The following RSPO4 variants were observed in gnomAD, a reference collection of about 807,000 sequenced individuals.
RSPO4 encodes the protein R-spondin 4.
Under a neutral mutation model 24.8 loss-of-function variants are expected in RSPO4, and 23 were observed. The ratio of observed to expected loss-of-function variants is 0.93; its 90% confidence interval spans 0.67 to 1.31. The LOEUF (loss-of-function observed/expected upper bound fraction) is 1.31, where lower values mean the gene tolerates loss of function less well. RSPO4 is among the 40% of genes most tolerant of loss of function. The pLI, the probability that RSPO4 is intolerant of heterozygous loss-of-function variation, is 0.00. For missense variants in RSPO4, 333 were observed against 316.5 expected, an observed-to-expected ratio of 1.05 and a Z score of -0.39; for synonymous variants, 141 against 127.4, an observed-to-expected ratio of 1.11 and a Z score of -0.72.
intron 1 of RSPO4, among the ~76,000 whole-genome samples, chr20:972,796 T>G (rs1481334324): frequency 6.6e-6 from 1 of 152,234 alleles, no homozygotes; most frequent in Admixed American, 6.5e-5. Flanking sequence ...TGCCCTGCGC[T>G]GTGCCTTGGC....
intron 1 of RSPO4, among the ~76,000 whole-genome samples, chr20:979,241 T>C (rs912962530): frequency 6.6e-6 from 1 of 152,116 alleles, no homozygotes; most frequent in Non-Finnish European, 1.5e-5. Context: ...TCCTCCATGT[T>C]CCCCATCTGC....
rs375754176 is a variant in RSPO4 at position 999,146 on chromosome 20, C to T, written c.79+2940G>A. ...CTGGGACTACAGGTGTGCACCACCA[C>T]CAACATGCCTGGCTATTTTTTGTAT... On this transcript the variant is annotated intron_variant, in intron 1 of 4. Transcript: ENST00000217260. Among the ~76,000 whole-genome samples, 4 of 152,198 alleles carry T rather than the reference C, an allele frequency of 2.6e-5. No homozygotes were observed. In the South Asian group the frequency reaches 8.3e-4, roughly 32 times the overall value.
At chr20:997,294 C>A (rs1416544722) in intron 1 of RSPO4, among the ~76,000 whole-genome samples, 1 of 152,056 alleles carries the variant, frequency 6.6e-6, no homozygotes, top group Non-Finnish European at 1.5e-5. Flanking sequence ...GGAGGTGGGG[C>A]CCCCCGTGGT....
chr20:997,713 G>A (rs2122279730), intron 1 of RSPO4, among the ~76,000 whole-genome samples: 1 of 152,292 alleles, frequency 6.6e-6, no homozygotes, highest in South Asian at 2.1e-4. Flanking sequence ...TGTCTGCCTG[G>A]CCCTCCACAA....
In RSPO4 at chr20:968,047, G is replaced by A. The variant is rs773361802; in HGVS notation, c.171C>T (p.Phe57=). 1.7e-5 allele frequency: 28 copies of A among 1,614,096 alleles called. No individual in the cohort carries two copies. In the South Asian group the frequency reaches 3.1e-4, roughly 18 times the overall value. The stretch of plus-strand genomic sequence containing the variant: ...ACTGGCGGATGCCTTCCCGGCGGAT[G>A]AACAGGAAGAGCCTCTGCTGGCAGG... ...CSTCQQRLFL[F]IRREGIRQYG... is the part of the protein sequence containing the mutation. The change falls in exon 2 of 5, where the codon TTC becomes TTT. Residue 57 remains phenylalanine (F), a synonymous_variant. Transcript: ENST00000217260.
chr20:958,960 T>G lies in RSPO4; in HGVS notation c.*1397A>C, dbSNP rs1302201243. The G allele has an allele frequency of 1.3e-5, 2 of 152,342 alleles. No individual in the cohort carries two copies. Among genetic ancestry groups the G allele is most frequent in the Non-Finnish European group, 2.9e-5 (2 of 68,212 alleles). The allele number at this position is 152,342 out of a possible 1,614,324, so 9.4% of individuals were successfully genotyped here. On this transcript the variant is annotated 3_prime_UTR_variant, in exon 5 of 5. Coordinates refer to ENST00000217260, the MANE Select transcript of RSPO4 (RefSeq NM_001029871.4). ...GTTATGATGGCAGAAGGATAGGCAG[T>G]GAGGACAGACTTGCTTCCAAGCTGG...
At chr20:991,999 A>T (rs1985118110) in intron 1 of RSPO4, among the ~76,000 whole-genome samples, 1 of 151,480 alleles carries the variant, frequency 6.6e-6, no homozygotes, top group Non-Finnish European at 1.5e-5. Flanking sequence ...AGGCGGGGGA[A>T]GTGAATGACG....
Position 968,039 on chromosome 20 carries a change from C to G in RSPO4, c.179G>C (p.Arg60Pro). The change falls in exon 2 of 5, where the codon CGG becomes CCG. Residue 60 changes from arginine to proline, a missense_variant. Physicochemically the swap from Arg to Pro is moderately radical, Grantham distance 103. Transcript: ENST00000217260. ...CTTGCCGTACTGGCGGATGCCTTCCCGGCGGATGAACAGGAAGAGCCTCTG... is the reference window on the plus strand; with the variant it reads ...CTTGCCGTACTGGCGGATGCCTTCCGGGCGGATGAACAGGAAGAGCCTCTG... ...CQQRLFLFIRREGIRQYGKCL... is the reference protein window; with the variant it reads ...CQQRLFLFIRPEGIRQYGKCL... 6.2e-7 allele frequency: 1 copy of G among 1,614,210 alleles called. No individual in the cohort carries two copies. The highest frequency in any genetic ancestry group is 8.5e-7 in the Non-Finnish European group (1 of 1,180,036).
intron 1 of RSPO4, among the ~76,000 whole-genome samples, chr20:1,001,580 A>C (rs943865868): frequency 6.6e-6 from 1 of 152,186 alleles, no homozygotes; most frequent in Non-Finnish European, 1.5e-5. Context: ...GCTGAACTCA[A>C]CATAGGGGGG....
chr20:995,370 C>T (rs1244880583), intron 1 of RSPO4, among the ~76,000 whole-genome samples: 1 of 152,128 alleles, frequency 6.6e-6, no homozygotes, highest in Non-Finnish European at 1.5e-5. Flanking sequence ...TAAGCCAGTT[C>T]CCCTCTCTGA....
chr20:992,193 A>G (rs1446459405), intron 1 of RSPO4, among the ~76,000 whole-genome samples: 5 of 151,636 alleles, frequency 3.3e-5, no homozygotes, highest in Admixed American at 1.3e-4. Flanking sequence ...ACGCACACGC[A>G]CACGGATGCA....
chr20:960,293 GA>G lies in RSPO4; in HGVS notation c.*63del. 2 of 994,328 alleles carry G rather than the reference GA, an allele frequency of 2.0e-6. No homozygotes were observed. Among genetic ancestry groups the G allele is most frequent in the Non-Finnish European group, 3.1e-6 (2 of 652,352 alleles). 61.6% of individuals were successfully genotyped at this position (994,328 alleles called of 1,614,324 possible). ...GAGAAAGAGTAAGAGGAGAGGAGGA[GA>G]AGGAGCAGGAGGAGGTGTGCAGGGG... On this transcript the variant is annotated 3_prime_UTR_variant, in exon 5 of 5. Coordinates refer to ENST00000217260, the MANE Select transcript of RSPO4 (RefSeq NM_001029871.4).
At position 970,221 on chromosome 20, in the gene RSPO4, GCT is replaced by G. The variant is rs1480578202; in HGVS notation, c.80-2085_80-2084del. On this transcript the variant is annotated intron_variant, in intron 1 of 4. Coordinates refer to ENST00000217260, the MANE Select transcript of RSPO4 (RefSeq NM_001029871.4). This position sits in a 1 kb window ranked among gnomAD's most constrained non-coding sequence, Gnocchi z 4.1. ...GGGGTTCATGGTGGAGGCAGGGCAG[GCT>G]CTCTGCCCAGCCCTGGCTGAGGCCT... Among the ~76,000 whole-genome samples the G allele has an allele frequency of 6.6e-6, 1 of 152,074 alleles. No individual in the cohort carries two copies. Among genetic ancestry groups the G allele is most frequent in the Non-Finnish European group, 1.5e-5 (1 of 67,990 alleles).
chr20:967,980 T>A lies in RSPO4; in HGVS notation c.238A>T (p.Ile80Phe), dbSNP rs1392720914. 2.5e-6 allele frequency: 4 copies of A among 1,614,266 alleles called. No homozygotes were observed. The highest frequency in any genetic ancestry group is 3.4e-6 in the Non-Finnish European group (4 of 1,180,046). ...CACCTGTTGACCTCCTGGCCGCGGA[T>A]GCCGAAGTACCCAGGGGGACAGTCG... ...LHDCPPGYFG[I>F]RGQEVNRCKK... Residue 80 changes from isoleucine (I) to phenylalanine (F), a missense_variant, in exon 2 of 5, where the codon ATC becomes TTC. Coordinates refer to ENST00000217260, the MANE Select transcript of RSPO4 (RefSeq NM_001029871.4).
chr20:961,717 T>C (rs62187524), intron 4 of RSPO4, among the ~76,000 whole-genome samples: 3,263 of 152,148 alleles, frequency 0.021, 57 homozygotes, highest in Non-Finnish European at 0.033. Context: ...GCCAGTGGCT[T>C]TGTGTCCCTA....
rs1327859655 is a variant in RSPO4 at position 964,795 on chromosome 20, T to TACAC, written c.410-676_410-675insGTGT. Among the ~76,000 whole-genome samples, 1,002 of 108,532 alleles carry TACAC rather than the reference T, an allele frequency of 9.2e-3. 15 individuals carry two copies. The highest frequency in any genetic ancestry group is 0.035 in the African/African-American group (797 of 22,628). 71.2% of individuals were successfully genotyped at this position (108,532 alleles called of 152,430 possible). A position where few individuals can be genotyped will look rare whatever the true frequency, so the allele number is the denominator to read the frequency against. ...ACACACACATATATATATACACATA[T>TACAC]ATACACACATACACACACACACACA... On this transcript the variant is annotated intron_variant, in intron 3 of 4. Transcript: ENST00000217260.
intron 1 of RSPO4, among the ~76,000 whole-genome samples, chr20:996,048 C>T (rs895799760): frequency 2.0e-5 from 3 of 152,204 alleles, no homozygotes; most frequent in Non-Finnish European, 4.4e-5. Context: ...TGGCAAAAAT[C>T]GCAGCCTCTG....
chr20:993,429 G>A (rs1222623605), intron 1 of RSPO4, among the ~76,000 whole-genome samples: 2 of 152,198 alleles, frequency 1.3e-5, no homozygotes, highest in Non-Finnish European at 2.9e-5. Flanking sequence ...TGTCCTGGAT[G>A]CTGCTGTTCC....
chr20:971,922 C>T (rs1235675373), intron 1 of RSPO4, among the ~76,000 whole-genome samples: 1 of 152,184 alleles, frequency 6.6e-6, no homozygotes, highest in East Asian at 1.9e-4. Context: ...AGCCCTGTCC[C>T]ATCCTCAAGC....
Sources: gnomAD v4.1 joint callset for allele counts (sites outside exome capture counted in the v4.1 genomes callset) on GRCh38, gnomAD v4.1.1 for gene constraint, Gnocchi (gnomAD v3.1) non-coding constraint, MANE v1.5 for transcripts, NCBI Gene and HGNC (gene_info 2026-07-23, HGNC 2026-07-21) for gene names.